PDE1C: variants seen among roughly 807,000 people sequenced by gnomAD.
PDE1C encodes dual specificity calcium/calmodulin-dependent 3',5'-cyclic nucleotide phosphodiesterase 1C.
PDE1C carries 62 observed loss-of-function variants against 93.1 expected under a neutral mutation model. That is an observed-to-expected ratio of 0.67 (90% CI 0.54 to 0.82). The LOEUF is 0.82. PDE1C is among the 40% of genes least tolerant of loss of function. The pLI, the probability that PDE1C is intolerant of heterozygous loss-of-function variation, is 0.00. For synonymous variants in PDE1C, 325 were observed against 310.1 expected (o/e 1.05, Z -0.50); for missense variants, 742 against 884.6 (o/e 0.84, Z 2.04).
chr7:32,024,828 G>C (rs1387199641), intron 2 of PDE1C, among the ~76,000 whole-genome samples: 1 of 152,002 alleles, frequency 6.6e-6, no homozygotes, highest in Non-Finnish European at 1.5e-5. Context: ...TCTCATTCCT[G>C]TCTCCTTCCC....
intron 1 of PDE1C, among the ~76,000 whole-genome samples, chr7:32,057,315 C>G (rs550136825): frequency 6.6e-6 from 1 of 152,286 alleles, no homozygotes; most frequent in South Asian, 2.1e-4. Flanking sequence ...TAAAAGACCA[C>G]TAGTCTTAAT....
At chr7:31,814,453 C>T (rs529271332) in intron 15 of PDE1C, among the ~76,000 whole-genome samples, 1 of 151,886 alleles carries the variant, frequency 6.6e-6, no homozygotes, top group African/African-American at 2.4e-5. Flanking sequence ...GTAATTTTTG[C>T]AAGGTTCCTG....
At chr7:32,073,932 T>C (rs1796205613), upstream of PDE1C, among the ~76,000 whole-genome samples, 1 of 152,198 alleles carries the variant, frequency 6.6e-6, no homozygotes, top group African/African-American at 2.4e-5. Context: ...TAACCCAGAT[T>C]TTTCAGTAAA....
At chr7:32,298,787 T>C (rs1343711515) in exon 1 of PDE1C, 2 of 1,541,570 alleles carry the variant, frequency 1.3e-6, no homozygotes, top group Non-Finnish European at 1.7e-6. Context: ...GCGTCTGCGG[T>C]CCCCCCCACG....
At chr7:32,412,154 T>C (rs769737885) in intron 1 of PDE1C, among the ~76,000 whole-genome samples, 1 of 152,132 alleles carries the variant, frequency 6.6e-6, no homozygotes, top group Non-Finnish European at 1.5e-5. Context: ...AAAATAAGCA[T>C]TGAAAGCAGA....
At chr7:31,806,453 C>T (rs545629603) in intron 16 of PDE1C, among the ~76,000 whole-genome samples, 3 of 152,014 alleles carry the variant, frequency 2.0e-5, no homozygotes, top group African/African-American at 7.2e-5. Flanking sequence ...CTTTTTATGT[C>T]AATACATTTC....
Position 32,420,241 on chromosome 7 carries a change from GTGTATATATATACATGTGTATATATA to G in PDE1C, c.310+7555_310+7580del, listed in dbSNP as rs1785387446. On this transcript the variant is annotated intron_variant, in intron 1 of 1. Coordinates refer to the PDE1C transcript ENST00000672256. ...TATATACATATATATGTATATATAT[GTGTATATATATACATGTGTATATATA>G]TGTGTATATATATACATGTGTATAT... 5.5e-5 allele frequency among the ~76,000 whole-genome samples: 2 copies of G among 36,458 alleles called. 1 individual carries two copies. The highest frequency in any genetic ancestry group is 1.7e-4 in the African/African-American group (2 of 11,570). The allele number at this position is 36,458 out of a possible 152,430, so 23.9% of individuals were successfully genotyped here. A position where few individuals can be genotyped will look rare whatever the true frequency, so the allele number is the denominator to read the frequency against.
upstream of PDE1C, among the ~76,000 whole-genome samples, chr7:32,300,699 T>G (rs1001980418): frequency 3.9e-5 from 6 of 152,264 alleles, no homozygotes; most frequent in African/African-American, 1.4e-4. Flanking sequence ...CTATGTAGAC[T>G]GCACGGAAAA....
rs112164008 is a variant in PDE1C, at chr7:32,308,591, C to T, written c.311-99052G>A. The stretch of plus-strand genomic sequence containing the variant: ...CGGTTCACCAAGATCCGCTGTTCTA[C>T]AGCCACTGCTGTTCTGCAGCCACCG... On this transcript the variant is annotated intron_variant, in intron 1 of 1. Coordinates refer to the PDE1C transcript ENST00000672256. Among the ~76,000 whole-genome samples, 400 of 152,372 alleles carry T rather than the reference C, an allele frequency of 2.6e-3. 2 individuals carry two copies. The East Asian group carries it at 0.027, about 10-fold the overall frequency.
chr7:31,923,307 CT>C (rs1802870517), intron 2 of PDE1C, among the ~76,000 whole-genome samples: 1 of 152,152 alleles, frequency 6.6e-6, no homozygotes, highest in African/African-American at 2.4e-5. Flanking sequence ...ACTTGGAGAA[CT>C]TTTAAAGACT....
intron 2 of PDE1C, among the ~76,000 whole-genome samples, chr7:32,174,148 T>C (rs901125286): frequency 1.3e-5 from 2 of 152,280 alleles, no homozygotes; most frequent in Non-Finnish European, 2.9e-5. Flanking sequence ...AAGGTCTGGT[T>C]CTGGGAAGAA....
At chr7:32,258,969 T>C (rs568167289) in intron 1 of PDE1C, among the ~76,000 whole-genome samples, 2 of 152,300 alleles carry the variant, frequency 1.3e-5, no homozygotes, top group East Asian at 3.9e-4. Context: ...GGAATGTCCA[T>C]GGTGCGCCCA....
At chr7:32,008,279 T>C (rs536475882) in intron 2 of PDE1C, among the ~76,000 whole-genome samples, 48 of 152,350 alleles carry the variant, frequency 3.2e-4, no homozygotes, top group African/African-American at 9.9e-4. Flanking sequence ...GCCTCTTGAC[T>C]GCCTCCCATT....
chr7:32,142,043 AC>A (rs1345571881), intron 3 of PDE1C, among the ~76,000 whole-genome samples: 1 of 152,074 alleles, frequency 6.6e-6, no homozygotes, highest in African/African-American at 2.4e-5. Context: ...GTGCACTTAC[AC>A]CTTCTGCAGT....
intron 3 of PDE1C, among the ~76,000 whole-genome samples, chr7:32,135,650 T>C (rs1267871399): frequency 6.6e-6 from 1 of 152,206 alleles, no homozygotes; most frequent in Non-Finnish European, 1.5e-5. Flanking sequence ...GAAACTCTTG[T>C]ATATTGTTGG....
upstream of PDE1C, chr7:32,071,007 T>C: frequency 9.1e-6 from 9 of 985,314 alleles, no homozygotes; most frequent in Non-Finnish European, 1.1e-5. Flanking sequence ...GCGAGAAAAC[T>C]GACAAGTGAG....
chr7:31,860,732 G>C (rs1794594917), intron 7 of PDE1C, among the ~76,000 whole-genome samples: 1 of 151,854 alleles, frequency 6.6e-6, no homozygotes, highest in African/African-American at 2.4e-5. Flanking sequence ...TCAATATTTT[G>C]TTGTATAACT....
intron 1 of PDE1C, among the ~76,000 whole-genome samples, chr7:32,298,338 A>C (rs1585094827): frequency 6.7e-6 from 1 of 149,814 alleles, no homozygotes; most frequent in African/African-American, 2.5e-5. Flanking sequence ...CCCTATTTCC[A>C]CCCCTCCTTT....
chr7:31,687,577 G>T, the PDE1C span, among the ~76,000 whole-genome samples: 159 of 152,302 alleles, frequency 1.0e-3, no homozygotes, highest in Middle Eastern at 6.8e-3. Context: ...ATTCACACAG[G>T]ATAGAGAGGT....
Sources: gnomAD v4.1 joint callset for allele counts (sites outside exome capture counted in the v4.1 genomes callset) on GRCh38, gnomAD v4.1.1 for gene constraint, MANE v1.5 for transcripts, NCBI Gene and HGNC (gene_info 2026-07-23, HGNC 2026-07-21) for gene names.